The following KCNU1 variants were observed in gnomAD, a reference collection of about 807,000 sequenced individuals.
KCNU1 encodes potassium calcium-activated channel subfamily U member 1.
KCNU1 carries 93 observed loss-of-function variants against 126.8 expected under a neutral mutation model. That is an observed-to-expected ratio of 0.73 (90% confidence interval 0.62 to 0.87). The LOEUF is 0.87. Among genes scored for constraint, KCNU1 ranks in the 40% least tolerant of loss-of-function variants. The pLI, the probability that KCNU1 is intolerant of heterozygous loss-of-function variation, is 0.00. For synonymous variants in KCNU1, 523 were observed against 494.2 expected, an observed-to-expected ratio of 1.06 and a Z score of -0.77; for missense variants, 1,330 against 1,367.1, an observed-to-expected ratio of 0.97 and a Z score of 0.43.
intron 24 of KCNU1, among the ~76,000 whole-genome samples, chr8:36,930,429 A>G (rs1808663569): frequency 6.6e-6 from 1 of 152,168 alleles, no homozygotes; most frequent in Non-Finnish European, 1.5e-5. Context: ...TGGGAAATCC[A>G]AATACTAATA....
At chr8:36,835,576 G>T (rs139334192) in intron 12 of KCNU1, among the ~76,000 whole-genome samples, 1 of 152,252 alleles carries the variant, frequency 6.6e-6, no homozygotes, top group South Asian at 2.1e-4. Flanking sequence ...CCTGAGCTCA[G>T]ATGATCTGTC....
At chr8:36,909,851 T>G (rs757031318) in intron 21 of KCNU1, among the ~76,000 whole-genome samples, 1 of 152,234 alleles carries the variant, frequency 6.6e-6, no homozygotes. Context: ...TTTTACGGTC[T>G]TTGTACAAAT....
intron 19 of KCNU1, among the ~76,000 whole-genome samples, chr8:36,887,936 T>A (rs888149723): frequency 6.6e-6 from 1 of 152,198 alleles, no homozygotes; most frequent in Non-Finnish European, 1.5e-5. Flanking sequence ...TCAGTAGTTA[T>A]GTTGAAACAA....
At chr8:36,825,371 C>T (rs1378890260) in intron 10 of KCNU1, among the ~76,000 whole-genome samples, 1 of 152,036 alleles carries the variant, frequency 6.6e-6, no homozygotes, top group Non-Finnish European at 1.5e-5. Context: ...TGATTCGAGC[C>T]TTTGTCAGGT....
At chr8:36,855,458 G>A (rs1317017457) in intron 18 of KCNU1, among the ~76,000 whole-genome samples, 1 of 152,054 alleles carries the variant, frequency 6.6e-6, no homozygotes, top group East Asian at 1.9e-4. Context: ...ACTCTTCTTT[G>A]GAAATAAGGC....
At chr8:36,861,517 C>A (rs1805729097) in intron 18 of KCNU1, among the ~76,000 whole-genome samples, 1 of 152,160 alleles carries the variant, frequency 6.6e-6, no homozygotes, top group Non-Finnish European at 1.5e-5. Flanking sequence ...GCGACTGTTA[C>A]CCCACTTCTG....
At chr8:36,898,142 T>C (rs973492708) in intron 19 of KCNU1, among the ~76,000 whole-genome samples, 5 of 152,138 alleles carry the variant, frequency 3.3e-5, no homozygotes, top group Admixed American at 3.3e-4. Flanking sequence ...CATTTCAACA[T>C]TCAGCCACAG....
intron 10 of KCNU1, among the ~76,000 whole-genome samples, chr8:36,832,079 A>G (rs977834567): frequency 1.5e-4 from 23 of 152,122 alleles, no homozygotes; most frequent in Admixed American, 4.6e-4. Context: ...GCAGATATGC[A>G]GCGTTATTTC....
In KCNU1 at chr8:36,876,657, ACTT is replaced by A. The variant is rs568371445; in HGVS notation, c.2009+12141_2009+12143del. Among the ~76,000 whole-genome samples the A allele has an allele frequency of 7.2e-5, 11 of 151,792 alleles. No homozygotes were observed. In the South Asian group the frequency reaches 2.3e-3, roughly 32 times the overall value. On this transcript the variant is annotated intron_variant, in intron 19 of 26. Transcript: ENST00000399881. ...TGCCTCAAGTTCTCCTCCTCCTCCCACTTCTTCCTCCTTTCCTCTCCTTCAGTT... is the reference window on the plus strand; with the variant it reads ...TGCCTCAAGTTCTCCTCCTCCTCCCACTTCCTCCTTTCCTCTCCTTCAGTT...
intron 1 of KCNU1, among the ~76,000 whole-genome samples, chr8:36,786,217 A>T (rs77742684): frequency 2.0e-3 from 303 of 152,234 alleles, no homozygotes; most frequent in African/African-American, 7.1e-3. Flanking sequence ...TAAAACATGT[A>T]TTACATCTAT....
chr8:36,849,405 A>G lies in KCNU1; in HGVS notation c.1891+3506A>G, dbSNP rs552385959. Among the ~76,000 whole-genome samples the G allele has an allele frequency of 4.6e-5, 7 of 152,240 alleles. No individual in the cohort carries two copies. The East Asian group carries it at 1.4e-3, about 29-fold the overall frequency. ...GGAGTTTGAGACCAGCCTGGCCAACATGGTGAAACCCCGTCTGTACTAAAA... is the reference window on the plus strand; with the variant it reads ...GGAGTTTGAGACCAGCCTGGCCAACGTGGTGAAACCCCGTCTGTACTAAAA... On this transcript the variant is annotated intron_variant, in intron 18 of 26. Transcript: ENST00000399881.
chr8:36,835,715 C>A (rs1167037039), intron 12 of KCNU1, among the ~76,000 whole-genome samples: 1 of 152,066 alleles, frequency 6.6e-6, no homozygotes, highest in Admixed American at 6.6e-5. Context: ...CTAGCAAGAA[C>A]GTGACTTGTG....
chr8:36,786,299 T>C (rs1802709372), intron 1 of KCNU1, among the ~76,000 whole-genome samples: 1 of 152,226 alleles, frequency 6.6e-6, no homozygotes, highest in African/African-American at 2.4e-5. Flanking sequence ...TATGATGGAA[T>C]TCAAATGAGT....
intron 22 of KCNU1, among the ~76,000 whole-genome samples, chr8:36,918,589 AC>A (rs200935098): frequency 6.8e-6 from 1 of 147,238 alleles, no homozygotes; most frequent in Non-Finnish European, 1.5e-5. Flanking sequence ...AAGAAGAAAG[AC>A]CCCCCCACCA....
intron 16 of KCNU1, among the ~76,000 whole-genome samples, chr8:36,842,409 A>G (rs929396173): frequency 6.6e-6 from 1 of 152,180 alleles, no homozygotes; most frequent in Non-Finnish European, 1.5e-5. Flanking sequence ...TAAGAAGAGA[A>G]TAACAAGTAG....
At chr8:36,808,691 A>T in intron 6 of KCNU1, 27 bp from the exon 7 acceptor site, 1 of 1,468,006 alleles carries the variant, frequency 6.8e-7, no homozygotes, top group Non-Finnish European at 9.5e-7. Context: ...TGTTAGACCC[A>T]ACAGCTCTTT....
chr8:36,927,353 T>A (rs1808567210), intron 24 of KCNU1, among the ~76,000 whole-genome samples: 1 of 152,164 alleles, frequency 6.6e-6, no homozygotes. Context: ...TAGGATATAA[T>A]TCAGATTTGC....
intron 2 of KCNU1, among the ~76,000 whole-genome samples, chr8:36,798,584 G>A (rs1390354253): frequency 6.6e-6 from 1 of 152,126 alleles, no homozygotes; most frequent in Non-Finnish European, 1.5e-5. Context: ...GTCTCTGAGG[G>A]CAGCCATCAT....
At position 36,873,050 on chromosome 8, in the gene KCNU1, G is replaced by T. The variant is rs1806158775; in HGVS notation, c.2009+8529G>T. Reference sequence around the variant, plus strand: ...GCCAAGATTGCACCATTGCACTCCAGCCTGGGCAACAAGAGCGAAATTCCA... The same window carrying T: ...GCCAAGATTGCACCATTGCACTCCATCCTGGGCAACAAGAGCGAAATTCCA... On this transcript the variant is annotated intron_variant, in intron 19 of 26. Coordinates refer to ENST00000399881, the MANE Select transcript of KCNU1 (RefSeq NM_001031836.3). Among the ~76,000 whole-genome samples the T allele has an allele frequency of 2.0e-5, 3 of 152,134 alleles. No homozygotes were observed. In the South Asian group the frequency reaches 6.2e-4, roughly 32 times the overall value.
Sources: gnomAD v4.1 joint callset for allele counts (sites outside exome capture counted in the v4.1 genomes callset) on GRCh38, gnomAD v4.1.1 for gene constraint, MANE v1.5 for transcripts, NCBI Gene and HGNC (gene_info 2026-07-23, HGNC 2026-07-21) for gene names.